The following RYR2 variants were observed in gnomAD, a reference collection of about 807,000 sequenced individuals.
The protein encoded by RYR2 is cardiac muscle ryanodine receptor-calcium release channel.
RYR2 carries 227 observed loss-of-function variants against 601.1 expected under a neutral mutation model. The ratio of observed to expected loss-of-function variants is 0.38; its 90% confidence interval spans 0.34 to 0.42. The LOEUF (loss-of-function observed/expected upper bound fraction) is 0.42. Among genes scored for constraint, RYR2 ranks in the 10% least tolerant of loss-of-function variants. RYR2 has a pLI of 1.00. For missense variants in RYR2, 4,646 were observed against 6,156.5 expected (o/e 0.75, Z 8.21); for synonymous variants, 2,223 against 2,175.1 (o/e 1.02, Z -0.61).
Position 237,404,480 on chromosome 1 carries a change from T to C in RYR2, c.774-12569T>C, listed in dbSNP as rs78215679. Among the ~76,000 whole-genome samples, 953 of 152,248 alleles carry C rather than the reference T, an allele frequency of 6.3e-3. 8 individuals are homozygous for C. Among genetic ancestry groups the C allele is most frequent in the Non-Finnish European group, 7.2e-3 (487 of 68,022 alleles). ...AGGAGAAACCATAAAAATATAATAG[T>C]AATACTTAATCCACAAGAAAGCAGG... On this transcript the variant is annotated intron_variant, in intron 10 of 104. Transcript: ENST00000366574.
chr1:237,293,497 G>A (rs1389972455), intron 2 of RYR2, among the ~76,000 whole-genome samples: 5 of 152,076 alleles, frequency 3.3e-5, no homozygotes, highest in African/African-American at 7.2e-5. Context: ...GTGAGCCACC[G>A]CACCCGGCCT....
intron 82 of RYR2, among the ~76,000 whole-genome samples, chr1:237,758,991 G>GC (rs557355023): frequency 6.1e-4 from 93 of 152,212 alleles, no homozygotes; most frequent in Non-Finnish European, 1.1e-3. Flanking sequence ...GATTCCTATT[G>GC]TTTTTTCAAT....
chr1:237,395,650 C>T (rs915347170), intron 10 of RYR2, among the ~76,000 whole-genome samples: 1 of 150,352 alleles, frequency 6.7e-6, no homozygotes. Flanking sequence ...GGGTTCATGC[C>T]ATTCTCCTGC....
intron 2 of RYR2, among the ~76,000 whole-genome samples, chr1:237,328,198 C>T (rs1005298161): frequency 2.0e-5 from 3 of 151,990 alleles, no homozygotes; most frequent in Admixed American, 1.3e-4. Flanking sequence ...TAACATAGCG[C>T]CCTTTCAGCA....
chr1:237,376,179 A>G (rs779396426), intron 7 of RYR2, among the ~76,000 whole-genome samples: 12 of 152,250 alleles, frequency 7.9e-5, no homozygotes, highest in Non-Finnish European at 1.8e-4. Context: ...GAATTGGATG[A>G]ATGAAGATAA....
intron 101 of RYR2, among the ~76,000 whole-genome samples, chr1:237,822,649 A>G: frequency 6.6e-6 from 1 of 152,240 alleles, no homozygotes; most frequent in East Asian, 1.9e-4. Flanking sequence ...AGCTGGCATC[A>G]TAATGACAGG....
In RYR2 at chr1:237,705,197, C is replaced by T; in HGVS notation, c.9450-16C>T. The T allele has an allele frequency of 6.2e-7, 1 of 1,602,188 alleles. No individual in the cohort carries two copies. The highest frequency in any genetic ancestry group is 8.5e-7 in the Non-Finnish European group (1 of 1,172,788). The stretch of plus-strand genomic sequence containing the variant: ...CACTTGGAAGACCTTAAAACATAAG[C>T]ATTTTCCACTTATAGGCAACGTTCT... On this transcript the variant is annotated splice_polypyrimidine_tract_variant and intron_variant, in intron 66 of 104. Coordinates refer to ENST00000366574, the MANE Select transcript of RYR2 (RefSeq NM_001035.3).
At position 237,380,401 on chromosome 1, in the gene RYR2, TA is replaced by T. The variant is rs1558718260; in HGVS notation, c.576+2967del. ...ATATATATATATATATATATATATATATATATATATATATATATATAGTAAA... is the reference window on the plus strand; with the variant it reads ...ATATATATATATATATATATATATATTATATATATATATATATATAGTAAA... On this transcript the variant is annotated intron_variant, in intron 8 of 104. Coordinates refer to ENST00000366574, the MANE Select transcript of RYR2 (RefSeq NM_001035.3). 1.4e-3 allele frequency among the ~76,000 whole-genome samples: 47 copies of T among 33,098 alleles called. 3 individuals are homozygous for T. Among genetic ancestry groups the T allele is most frequent in the African/African-American group, 4.5e-3 (44 of 9,840 alleles). 21.7% of individuals were successfully genotyped at this position (33,098 alleles called of 152,430 possible).
At chr1:237,239,836 G>A (rs1409898676) in intron 1 of RYR2, among the ~76,000 whole-genome samples, 3 of 152,188 alleles carry the variant, frequency 2.0e-5, no homozygotes, top group East Asian at 1.9e-4. Flanking sequence ...ACTAGGTAGT[G>A]TATAAACCAA....
At chr1:237,237,458 G>A (rs114243843) in intron 1 of RYR2, among the ~76,000 whole-genome samples, 2,222 of 152,246 alleles carry the variant, frequency 0.015, 51 homozygotes, top group African/African-American at 0.049. Flanking sequence ...GAAAAGAAGT[G>A]GAATTGGACA....
chr1:237,654,447 A>G (rs1400508781), intron 52 of RYR2, 33 bp downstream of exon 52: 1 of 1,608,444 alleles, frequency 6.2e-7, no homozygotes. Context: ...TGTTTGTATC[A>G]ATAAAATGGT....
At chr1:237,442,243 T>A (rs949520017) in intron 13 of RYR2, among the ~76,000 whole-genome samples, 26 of 152,188 alleles carry the variant, frequency 1.7e-4, no homozygotes, top group Admixed American at 1.4e-3. Context: ...TTAAAGCAAA[T>A]TTTTCTTTTG....
chr1:237,718,978 T>C (rs1264478192), intron 73 of RYR2, among the ~76,000 whole-genome samples: 1 of 152,110 alleles, frequency 6.6e-6, no homozygotes, highest in African/African-American at 2.4e-5. Context: ...TATAAGAAAA[T>C]GTTGGCTAGG....
At position 237,546,993 on chromosome 1, in the gene RYR2, A is replaced by ATATATATATATATATATT. The variant is rs746133377; in HGVS notation, c.2907-1435_2907-1434insATATATATATATATTTAT. On this transcript the variant is annotated intron_variant, in intron 25 of 104. Transcript: ENST00000366574. ...TTCAAAAGCATATATATATATATAT[A>ATATATATATATATATATT]TATTTATTTATTTATTTATTTATTT... Among the ~76,000 whole-genome samples the ATATATATATATATATATT allele has an allele frequency of 1.9e-3, 237 of 127,364 alleles. 2 individuals are homozygous for ATATATATATATATATATT. The highest frequency in any genetic ancestry group is 4.5e-3 in the East Asian group (19 of 4,246). 83.6% of individuals were successfully genotyped at this position (127,364 alleles called of 152,430 possible).
chr1:237,693,539 C>T (rs80209234), intron 63 of RYR2, among the ~76,000 whole-genome samples: 1 of 152,090 alleles, frequency 6.6e-6, no homozygotes, highest in Non-Finnish European at 1.5e-5. Context: ...TTACAAAAAG[C>T]CAGCATTTTG....
At chr1:237,043,018 C>T (rs1660110016) in intron 1 of RYR2, among the ~76,000 whole-genome samples, 1 of 152,242 alleles carries the variant, frequency 6.6e-6, no homozygotes, top group East Asian at 1.9e-4. Flanking sequence ...GGAATACCGC[C>T]GCCGGGAGGT....
intron 1 of RYR2, among the ~76,000 whole-genome samples, chr1:237,109,500 A>G (rs12125175): frequency 0.66 from 100,384 of 151,782 alleles, 33,869 homozygotes; most frequent in Admixed American, 0.77. Context: ...TATGCTTTCC[A>G]TCCCTAAAAC....
chr1:237,554,406 T>C (rs1263491725), intron 27 of RYR2, among the ~76,000 whole-genome samples: 2 of 151,944 alleles, frequency 1.3e-5, no homozygotes, highest in East Asian at 3.9e-4. Context: ...ATATTTTGCT[T>C]AGGACTTTTG....
intron 2 of RYR2, among the ~76,000 whole-genome samples, chr1:237,273,156 G>T (rs992146846): frequency 5.3e-5 from 8 of 151,944 alleles, no homozygotes; most frequent in Non-Finnish European, 1.0e-4. Flanking sequence ...TTGTTTTCCT[G>T]CTACTAGATG....
Sources: allele counts gnomAD v4.1 joint callset (sites outside exome capture counted in the v4.1 genomes callset), GRCh38; gene constraint gnomAD v4.1.1; transcripts MANE v1.5; gene names NCBI Gene and HGNC (gene_info 2026-07-23, HGNC 2026-07-21).